Variants in MAGI3 observed in about 807,000 individuals in gnomAD.
The protein encoded by MAGI3 is membrane-associated guanylate kinase, WW and PDZ domain-containing protein 3.
A neutral mutation model predicts 121.8 loss-of-function variants in MAGI3; 43 were observed. That is an observed-to-expected ratio of 0.35 (90% confidence interval 0.28 to 0.46). The LOEUF (loss-of-function observed/expected upper bound fraction) is 0.46. Among genes scored for constraint, MAGI3 ranks in the 20% least tolerant of loss-of-function variants. The pLI is 1.00. For missense variants in MAGI3, 1,547 were observed against 1,797.3 expected (o/e 0.86, Z 2.52); for synonymous variants, 553 against 639.3 (o/e 0.86, Z 2.04).
rs375251538 is a variant in MAGI3, at chr1:113,590,553, G to A, written c.833G>A (p.Ser278Asn). ...GTTCCAAGTTACAACCAAACAAATA[G>A]CTCCATGGACTTTAGAAATTATATG... Reference protein sequence around the residue: ...KTVPSYNQTNSSMDFRNYMMR... With the variant: ...KTVPSYNQTNNSMDFRNYMMR... Residue 278 changes from serine (S) to asparagine (N), a missense_variant, in exon 5 of 21, where the codon AGC becomes AAC. Coordinates refer to ENST00000307546, the MANE Select transcript of MAGI3 (RefSeq NM_001142782.2). 2.1e-5 allele frequency: 34 copies of A among 1,613,590 alleles called. No homozygotes were observed. The highest frequency in any genetic ancestry group is 2.8e-5 in the Non-Finnish European group (33 of 1,179,716).
intron 1 of MAGI3, among the ~76,000 whole-genome samples, chr1:113,503,177 C>G (rs1324179912): frequency 1.3e-5 from 1 of 74,326 alleles, no homozygotes; most frequent in Admixed American, 1.8e-4. Flanking sequence ...ATGTAACTAA[C>G]CTGCACAATG....
At chr1:113,568,098 C>A (rs960970519) in intron 2 of MAGI3, among the ~76,000 whole-genome samples, 1 of 151,878 alleles carries the variant, frequency 6.6e-6, no homozygotes, top group Non-Finnish European at 1.5e-5. Flanking sequence ...AGTAACTGCC[C>A]AGAGTGGAGG....
At chr1:113,477,097 C>A (rs1655866345) in intron 1 of MAGI3, among the ~76,000 whole-genome samples, 1 of 151,770 alleles carries the variant, frequency 6.6e-6, no homozygotes, top group South Asian at 2.1e-4. Flanking sequence ...TCCTCCATCC[C>A]TTTATTTTGA....
chr1:113,666,133 G>A (rs1427583485), intron 16 of MAGI3, among the ~76,000 whole-genome samples: 6 of 152,286 alleles, frequency 3.9e-5, no homozygotes, highest in East Asian at 1.9e-4. Flanking sequence ...GTCTTGCCTC[G>A]ATGTTGATGG....
At position 113,629,909 on chromosome 1, in the gene MAGI3, C is replaced by G. The variant is rs72988553; in HGVS notation, c.1360+6915C>G. 1.8e-3 allele frequency among the ~76,000 whole-genome samples: 271 copies of G among 151,830 alleles called. 2 individuals carry two copies. Among genetic ancestry groups the G allele is most frequent in the African/African-American group, 6.2e-3 (255 of 41,362 alleles). ...CGCTGGGTGAGACATGAAACCAGCA[C>G]AGCACTGGATCTTGCCCACAGCCAG... On this transcript the variant is annotated intron_variant, in intron 9 of 20. Coordinates refer to ENST00000307546, the MANE Select transcript of MAGI3 (RefSeq NM_001142782.2).
intron 6 of MAGI3, among the ~76,000 whole-genome samples, chr1:113,595,996 A>C (rs1001259661): frequency 1.3e-5 from 2 of 151,790 alleles, no homozygotes; most frequent in Non-Finnish European, 2.9e-5. Flanking sequence ...ACGCCACTGC[A>C]CTCCAGCCTG....
At chr1:113,568,534 G>T (rs1038633528) in intron 2 of MAGI3, among the ~76,000 whole-genome samples, 10 of 152,002 alleles carry the variant, frequency 6.6e-5, no homozygotes, top group Non-Finnish European at 1.5e-4. Flanking sequence ...AGCAAGATAG[G>T]TGGACTTGCT....
At chr1:113,531,680 C>T (rs961241840) in intron 1 of MAGI3, among the ~76,000 whole-genome samples, 3 of 131,314 alleles carry the variant, frequency 2.3e-5, no homozygotes, top group African/African-American at 5.8e-5. Context: ...AGTTTTTCCC[C>T]GACTCTATGT....
At chr1:113,661,198 T>A (rs1653770342) in intron 16 of MAGI3, among the ~76,000 whole-genome samples, 1 of 152,200 alleles carries the variant, frequency 6.6e-6, no homozygotes, top group Admixed American at 6.5e-5. Context: ...ACTGCATAAA[T>A]ACCCTAGGGT....
intron 1 of MAGI3, among the ~76,000 whole-genome samples, chr1:113,468,221 A>G (rs1655380352): frequency 3.9e-5 from 6 of 152,136 alleles, no homozygotes; most frequent in Admixed American, 3.9e-4. Flanking sequence ...ATTCAGTGTT[A>G]TTATTAATAT....
chr1:113,673,573 A>G, intron 19 of MAGI3, 108 bp downstream of exon 19: 1 of 1,259,936 alleles, frequency 7.9e-7, no homozygotes. Flanking sequence ...AAATCTAAAA[A>G]GCAGGATTTG....
chr1:113,536,405 C>A (rs992376877), intron 1 of MAGI3, among the ~76,000 whole-genome samples: 1 of 152,064 alleles, frequency 6.6e-6, no homozygotes, highest in Admixed American at 6.6e-5. Flanking sequence ...TTTTTTGAAT[C>A]TGTGTATAAT....
At chr1:113,631,077 C>T (rs890045793) in intron 9 of MAGI3, among the ~76,000 whole-genome samples, 1 of 152,130 alleles carries the variant, frequency 6.6e-6, no homozygotes, top group African/African-American at 2.4e-5. Flanking sequence ...TGAGTACAGC[C>T]TGGTTCTGCT....
chr1:113,580,888 A>G (rs1346507716), intron 3 of MAGI3: 3 of 286,844 alleles, frequency 1.0e-5, no homozygotes, highest in Non-Finnish European at 1.9e-5. Context: ...TGTGAACAGT[A>G]TACTAAAAAT....
Position 113,683,853 on chromosome 1 carries a change from G to A in MAGI3, c.4285G>A (p.Gly1429Arg), listed in dbSNP as rs1349171527. 1 of 1,612,454 alleles carries A rather than the reference G, an allele frequency of 6.2e-7. No homozygotes were observed. The highest frequency in any genetic ancestry group is 8.5e-7 in the Non-Finnish European group (1 of 1,179,344). The stretch of plus-strand genomic sequence containing the variant: ...TTCAAACAAAACAGAAGATCACAAA[G>A]GGAAAGAACTAGAGGCAGCTGACAA... Reference protein sequence around the residue: ...VVSNKTEDHKGKELEAADKNK... With the variant: ...VVSNKTEDHKRKELEAADKNK... The change falls in exon 21 of 21, where the codon GGG becomes AGG. Residue 1429 changes from glycine to arginine, a missense_variant. Transcript: ENST00000307546.
intron 9 of MAGI3, among the ~76,000 whole-genome samples, chr1:113,634,954 T>C (rs1651909393): frequency 6.6e-6 from 1 of 152,154 alleles, no homozygotes; most frequent in Non-Finnish European, 1.5e-5. Flanking sequence ...TTCACGTCCC[T>C]TGTAAGTTGG....
intron 1 of MAGI3, among the ~76,000 whole-genome samples, chr1:113,452,684 T>C (rs1312927062): frequency 6.6e-6 from 1 of 152,162 alleles, no homozygotes; most frequent in Non-Finnish European, 1.5e-5. Context: ...GTTGTTGTTT[T>C]GTATACTTTT....
At chr1:113,509,355 CT>C (rs763952179) in intron 1 of MAGI3, among the ~76,000 whole-genome samples, 1,587 of 126,508 alleles carry the variant, frequency 0.013, 15 homozygotes, top group African/African-American at 0.036. Context: ...ATTATCTTTT[CT>C]TTTTTTTTTT....
At chr1:113,611,639 C>T (rs1353992224) in intron 6 of MAGI3, among the ~76,000 whole-genome samples, 2 of 152,122 alleles carry the variant, frequency 1.3e-5, no homozygotes, top group Non-Finnish European at 2.9e-5. Context: ...TCTCATTGCA[C>T]ACCATCTATT....
Sources: allele counts gnomAD v4.1 joint callset (sites outside exome capture counted in the v4.1 genomes callset), GRCh38; gene constraint gnomAD v4.1.1; transcripts MANE v1.5; gene names NCBI Gene and HGNC (gene_info 2026-07-23, HGNC 2026-07-21).